Variants in FCHSD2 observed in about 807,000 individuals in gnomAD.
FCHSD2 encodes F-BAR and double SH3 domains protein 2.
A neutral mutation model predicts 108.1 loss-of-function variants in FCHSD2; 38 were observed. The ratio of observed to expected loss-of-function variants is 0.35; its 90% CI spans 0.27 to 0.46. FCHSD2 has a LOEUF of 0.46. FCHSD2 is among the 20% of genes least tolerant of loss of function. The pLI, the probability that FCHSD2 is intolerant of heterozygous loss-of-function variation, is 1.00. For synonymous variants in FCHSD2, 279 were observed against 314.7 expected, an observed-to-expected ratio of 0.89 and a Z score of 1.20; for missense variants, 751 against 897.8, an observed-to-expected ratio of 0.84 and a Z score of 2.09.
chr11:73,137,325 C>G lies in FCHSD2; in HGVS notation c.119+2706G>C, dbSNP rs561944189. ...ATATAGATAGAAGAACACACTAACT[C>G]CTTTAAAAAAAACCTGTTAATCCTT... On this transcript the variant is annotated intron_variant, in intron 2 of 19. Coordinates refer to ENST00000409418, the MANE Select transcript of FCHSD2 (RefSeq NM_014824.3). Among the ~76,000 whole-genome samples, 3 of 152,172 alleles carry G rather than the reference C, an allele frequency of 2.0e-5. No individual in the cohort carries two copies. The South Asian group carries it at 6.2e-4, about 32-fold the overall frequency.
At position 73,021,452 on chromosome 11, in the gene FCHSD2, C is replaced by A. The variant is rs138821268; in HGVS notation, c.166-5567G>T. The stretch of plus-strand genomic sequence containing the variant: ...GGCTATTAACCTTAGCAAACTAATG[C>A]AAGAACAGAAAACTAAATAATATAT... On this transcript the variant is annotated intron_variant, in intron 3 of 19. Transcript: ENST00000409418. 1.9e-3 allele frequency among the ~76,000 whole-genome samples: 289 copies of A among 152,126 alleles called. 4 individuals carry two copies. The highest frequency in any genetic ancestry group is 0.017 in the Admixed American group (255 of 15,270).
chr11:73,034,836 G>A (rs1030863077), intron 3 of FCHSD2, among the ~76,000 whole-genome samples: 1 of 152,068 alleles, frequency 6.6e-6, no homozygotes, highest in Non-Finnish European at 1.5e-5. Context: ...ATTATAGAAG[G>A]ACTAAAAGTC....
intron 3 of FCHSD2, among the ~76,000 whole-genome samples, chr11:73,075,599 T>C (rs1859531175): frequency 6.6e-6 from 1 of 152,152 alleles, no homozygotes; most frequent in South Asian, 2.1e-4. Context: ...ACGGATCACT[T>C]GAGGTCAGGA....
chr11:72,984,132 G>A lies in FCHSD2; in HGVS notation c.661C>T (p.His221Tyr). Residue 221 changes from histidine (H) to tyrosine (Y), a missense_variant, in exon 8 of 20, where the codon CAT becomes TAT. His to Tyr is a moderately conservative substitution (Grantham distance 83, BLOSUM62 2). Transcript: ENST00000409418. Reference sequence around the variant, plus strand: ...TCTGTTTGATAGTAGCGATCCTGATGTGCATTTGCTGCCGCTAGGGTAAGA... The same window carrying A: ...TCTGTTTGATAGTAGCGATCCTGATATGCATTTGCTGCCGCTAGGGTAAGA... ...YLLTLAAANAHQDRYYQTDLV... is the reference protein window; with the variant it reads ...YLLTLAAANAYQDRYYQTDLV... 1 of 1,613,340 alleles carries A rather than the reference G, an allele frequency of 6.2e-7. No homozygotes were observed. The highest frequency in any genetic ancestry group is 1.3e-5 in the African/African-American group (1 of 75,026).
At chr11:72,951,522 T>C (rs1856620107) in intron 8 of FCHSD2, among the ~76,000 whole-genome samples, 1 of 152,234 alleles carries the variant, frequency 6.6e-6, no homozygotes, top group Non-Finnish European at 1.5e-5. Flanking sequence ...GGTGTTATTA[T>C]TACACATTTC....
chr11:73,123,732 T>C (rs1167976563), intron 2 of FCHSD2, among the ~76,000 whole-genome samples: 2 of 152,224 alleles, frequency 1.3e-5, no homozygotes, highest in African/African-American at 4.8e-5. Flanking sequence ...CTGGAGAGTA[T>C]ATCACCTCTC....
chr11:72,959,218 G>GTTT (rs1565342294), intron 8 of FCHSD2, among the ~76,000 whole-genome samples: 1 of 61,558 alleles, frequency 1.6e-5, no homozygotes, highest in Admixed American at 2.3e-4. Flanking sequence ...ATATCCAGCA[G>GTTT]TCTTTTTTTT....
intron 5 of FCHSD2, among the ~76,000 whole-genome samples, chr11:72,989,807 A>G (rs1469243214): frequency 1.3e-5 from 2 of 152,166 alleles, no homozygotes; most frequent in Non-Finnish European, 2.9e-5. Flanking sequence ...AAACAAACCA[A>G]TTAGAAGTTT....
At chr11:73,138,947 TATG>T (rs1321534377) in intron 2 of FCHSD2, among the ~76,000 whole-genome samples, 3 of 152,302 alleles carry the variant, frequency 2.0e-5, no homozygotes, top group Non-Finnish European at 2.9e-5. Context: ...TTCTTATGGC[TATG>T]ATAAGGGAAG....
At chr11:72,945,318 A>G (rs1364302041) in intron 8 of FCHSD2, among the ~76,000 whole-genome samples, 1 of 152,244 alleles carries the variant, frequency 6.6e-6, no homozygotes, top group East Asian at 1.9e-4. Context: ...CTATTTAATA[A>G]ATGGTGCTGG....
At chr11:73,138,414 C>A (rs995043371) in intron 2 of FCHSD2, among the ~76,000 whole-genome samples, 7 of 152,074 alleles carry the variant, frequency 4.6e-5, no homozygotes, top group Non-Finnish European at 8.8e-5. Flanking sequence ...ACACAACCAA[C>A]AGAAATTATT....
intron 2 of FCHSD2, among the ~76,000 whole-genome samples, chr11:73,109,891 G>A (rs1025811562): frequency 2.6e-5 from 4 of 152,072 alleles, no homozygotes; most frequent in African/African-American, 9.7e-5. Flanking sequence ...AGTTTATTGA[G>A]TTTTTATCAT....
At position 72,896,316 on chromosome 11, in the gene FCHSD2, G is replaced by A. The variant is rs116625556; in HGVS notation, c.924+6227C>T. ...GACTGGGAAACCTGAGGAAGTTTCC[G>A]TGTTTTTCCTGCCTGTATAGATCAT... On this transcript the variant is annotated intron_variant, in intron 10 of 19. Transcript: ENST00000409418. 6.6e-3 allele frequency among the ~76,000 whole-genome samples: 1,007 copies of A among 152,296 alleles called. 9 individuals carry two copies. The highest frequency in any genetic ancestry group is 0.019 in the African/African-American group (808 of 41,552).
chr11:73,025,764 T>G (rs1472784928), intron 3 of FCHSD2, among the ~76,000 whole-genome samples: 1 of 152,188 alleles, frequency 6.6e-6, no homozygotes, highest in Non-Finnish European at 1.5e-5. Flanking sequence ...GGTATATCCT[T>G]ATGACTAAGA....
At chr11:72,865,287 T>A (rs892728623) in intron 13 of FCHSD2, among the ~76,000 whole-genome samples, 3 of 152,218 alleles carry the variant, frequency 2.0e-5, no homozygotes, top group Non-Finnish European at 4.4e-5. Flanking sequence ...ATTTCAGTGC[T>A]GTTACTTAAA....
At chr11:72,977,230 TTAAAA>T (rs1298279773) in intron 8 of FCHSD2, among the ~76,000 whole-genome samples, 1 of 152,078 alleles carries the variant, frequency 6.6e-6, no homozygotes, top group African/African-American at 2.4e-5. Context: ...CCCAAAACTA[TTAAAA>T]TAAAGCATTG....
At chr11:73,140,544 C>T (rs1324986066) in intron 1 of FCHSD2, among the ~76,000 whole-genome samples, 1 of 152,178 alleles carries the variant, frequency 6.6e-6, no homozygotes, top group African/African-American at 2.4e-5. Flanking sequence ...GTGCCTGATA[C>T]CCAATGACCA....
chr11:73,048,758 T>G (rs1858824666), intron 3 of FCHSD2, among the ~76,000 whole-genome samples: 1 of 152,144 alleles, frequency 6.6e-6, no homozygotes, highest in South Asian at 2.1e-4. Flanking sequence ...AAGTCTAAAA[T>G]CAGTAAGACA....
chr11:73,021,151 A>G, intron 3 of FCHSD2, among the ~76,000 whole-genome samples: 1 of 152,192 alleles, frequency 6.6e-6, no homozygotes, highest in East Asian at 1.9e-4. Context: ...GGCTGGGATT[A>G]AAGGTGCAGG....
Sources: allele counts gnomAD v4.1 joint callset (sites outside exome capture counted in the v4.1 genomes callset), GRCh38; gene constraint gnomAD v4.1.1; transcripts MANE v1.5; gene names NCBI Gene and HGNC (gene_info 2026-07-23, HGNC 2026-07-21).